Variants in TLE2 observed in about 807,000 individuals in gnomAD.
TLE2 encodes TLE family member 2, transcriptional corepressor, also known as transducin-like enhancer protein 2.
A neutral mutation model predicts 97.2 loss-of-function variants in TLE2; 74 were observed. That is an observed-to-expected ratio of 0.76 (90% confidence interval 0.63 to 0.92). The LOEUF (loss-of-function observed/expected upper bound fraction) is 0.92. TLE2 is among the 40% of genes least tolerant of loss of function. The pLI is 0.00. For synonymous variants in TLE2, 499 were observed against 432.1 expected (o/e 1.15, Z -1.92); for missense variants, 1,038 against 1,008.7 (o/e 1.03, Z -0.39).
At chr19:3,022,808 C>G (rs1228417431) in intron 5 of TLE2, among the ~76,000 whole-genome samples, 1 of 151,986 alleles carries the variant, frequency 6.6e-6, no homozygotes, top group Admixed American at 6.6e-5. Context: ...GGAAGACTTT[C>G]TAGAAAGGGC....
At chr19:3,011,185 G>A in intron 11 of TLE2, 25 bp from the exon 12 acceptor site, 1 of 1,548,372 alleles carries the variant, frequency 6.5e-7, no homozygotes, top group Non-Finnish European at 8.7e-7. Context: ...CAGGACTGAA[G>A]GCCACCAGGC....
Position 3,009,634 on chromosome 19 carries a change from G to T in TLE2, c.1081C>A (p.Leu361Ile). The T allele has an allele frequency of 6.2e-7, 1 of 1,613,334 alleles. No homozygotes were observed. Among genetic ancestry groups the T allele is most frequent in the Non-Finnish European group, 8.5e-7 (1 of 1,179,666 alleles). The part of the protein sequence containing the change: ...TSFSLGSHST[L>I]NGDLSVPSSY... ...CTGGGCACGGAGAGGTCTCCGTTGA[G>T]AGTGCTGTGGGAGCCCAGGCTGAAG... The change falls in exon 13 of 20, where the codon CTC (leucine) becomes ATC (isoleucine). Residue 361 changes from leucine to isoleucine, a missense_variant. Coordinates refer to ENST00000262953, the MANE Select transcript of TLE2 (RefSeq NM_003260.5).
chr19:3,008,171 C>A (rs999549831), intron 14 of TLE2, among the ~76,000 whole-genome samples: 1 of 152,240 alleles, frequency 6.6e-6, no homozygotes, highest in South Asian at 2.1e-4. Context: ...CAGCTGGTGG[C>A]GACTGGGTTG....
chr19:3,021,116 G>A lies in TLE2; in HGVS notation c.295-1343C>T, dbSNP rs933312241. Reference sequence around the variant, plus strand: ...AAAAAAAAAAAAAAAAAAAAAAAAGGGGGGGGGGTGCTGAGCGTGGTGACT... The same window carrying A: ...AAAAAAAAAAAAAAAAAAAAAAAAGAGGGGGGGGTGCTGAGCGTGGTGACT... On this transcript the variant is annotated intron_variant, in intron 5 of 19. Coordinates refer to ENST00000262953, the MANE Select transcript of TLE2 (RefSeq NM_003260.5). Among the ~76,000 whole-genome samples, 130 of 64,476 alleles carry A rather than the reference G, an allele frequency of 2.0e-3. 7 individuals are homozygous for A. The highest frequency in any genetic ancestry group is 3.3e-3 in the Non-Finnish European group (104 of 31,198). The allele number at this position is 64,476 out of a possible 152,430, so 42.3% of individuals were successfully genotyped here. A position where few individuals can be genotyped will look rare whatever the true frequency, so the allele number is the denominator to read the frequency against.
chr19:3,019,699 C>T lies in TLE2; in HGVS notation c.369G>A (p.Gly123=), dbSNP rs199890383. 5 of 1,608,570 alleles carry T rather than the reference C, an allele frequency of 3.1e-6. No individual in the cohort carries two copies. The African/African-American group carries it at 4.0e-5, about 13-fold the overall frequency. ...CGGGGCAGGGGCTAGAGAGACTCAC[C>T]CCGATGAGGCTGTTCAGCTCCCCCA... is the stretch of plus-strand genomic sequence containing the variant. ...VTVGELNSLI[G]QQLQPLSHHA... Residue 123 remains glycine, a splice_region_variant and synonymous_variant, in exon 6 of 20, where the codon GGG becomes GGA. Transcript: ENST00000262953. This position sits in a 1 kb window ranked among gnomAD's most constrained non-coding sequence, Gnocchi z 5.1.
chr19:3,017,440 T>TC (rs1030012205), intron 8 of TLE2, among the ~76,000 whole-genome samples: 1 of 138,774 alleles, frequency 7.2e-6, no homozygotes, highest in Non-Finnish European at 1.5e-5. Flanking sequence ...TGGTTTTTTT[T>TC]TTTCTTTCTT....
upstream of TLE2, among the ~76,000 whole-genome samples, chr19:3,046,944 T>TCCCCCTCCC (rs1327603176): frequency 2.2e-4 from 11 of 49,946 alleles, no homozygotes; most frequent in Non-Finnish European, 7.9e-5. Flanking sequence ...CTCCCCCTCC[T>TCCCCCTCCC]CCTCCCTTCC....
At position 3,029,096 on chromosome 19, in the gene TLE2, C is replaced by T. The variant is rs2089995522; in HGVS notation, c.-192G>A. ...GCGCGCGCGCCCGGGGTCGTGGGAGCCCCTCCCCGGGTTGGGGTGCGCGGG... is the reference window on the plus strand; with the variant it reads ...GCGCGCGCGCCCGGGGTCGTGGGAGTCCCTCCCCGGGTTGGGGTGCGCGGG... On this transcript the variant is annotated 5_prime_UTR_variant, in exon 1 of 20. Transcript: ENST00000262953. The T allele has an allele frequency of 1.6e-6, 2 of 1,247,822 alleles. No individual in the cohort carries two copies. Among genetic ancestry groups the T allele is most frequent in the Non-Finnish European group, 1.0e-6 (1 of 993,380 alleles). The allele number at this position is 1,247,822 out of a possible 1,614,324, so 77.3% of individuals were successfully genotyped here.
At chr19:3,030,287 A>G (rs962510191), upstream of TLE2, among the ~76,000 whole-genome samples, 1 of 152,214 alleles carries the variant, frequency 6.6e-6, no homozygotes, top group African/African-American at 2.4e-5. Flanking sequence ...CAGCTCTGCC[A>G]TCAGACTCAA....
Position 3,005,843 on chromosome 19 carries a change from C to T in TLE2, c.1626G>A (p.Glu542=), listed in dbSNP as rs1196357317. The T allele has an allele frequency of 1.9e-6, 3 of 1,613,992 alleles. No individual in the cohort carries two copies. The African/African-American group carries it at 4.0e-5, about 22-fold the overall frequency. ...AGCAGGCTGGGGCTGAGGAAGTCAG[C>T]TCGGCCTTGATACGGGGGGTGGGCG... ...LAAPTPRIKA[E]LTSSAPACYA... Residue 542 remains glutamate, a synonymous_variant, in exon 16 of 20, where the codon GAG becomes GAA. Transcript: ENST00000262953.
In TLE2 at chr19:3,014,605, C is replaced by T. The variant is rs1018382206; in HGVS notation, c.688G>A (p.Glu230Lys). 12 of 1,588,952 alleles carry T rather than the reference C, an allele frequency of 7.6e-6. No individual in the cohort carries two copies. Among genetic ancestry groups the T allele is most frequent in the African/African-American group, 2.7e-5 (2 of 73,764 alleles). Residue 230 changes from glutamate to lysine, a missense_variant, in exon 10 of 20, where the codon GAA (glutamate) becomes AAA (lysine). By Grantham distance (56) the Glu-to-Lys change is moderately conservative (BLOSUM62 1). Coordinates refer to ENST00000262953, the MANE Select transcript of TLE2 (RefSeq NM_003260.5). Reference sequence around the variant, plus strand: ...ACCAGATTGTAATCACTCTTGTCTTCGTCGCTTTCCTGGGGGAAGATGGGG... The same window carrying T: ...ACCAGATTGTAATCACTCTTGTCTTTGTCGCTTTCCTGGGGGAAGATGGGG... ...KEPSGPYESDEDKSDYNLVVD... is the reference protein window; with the variant it reads ...KEPSGPYESDKDKSDYNLVVD...
At chr19:3,009,475 T>C in intron 13 of TLE2, 67 bp downstream of exon 13, 1 of 1,492,228 alleles carries the variant, frequency 6.7e-7, no homozygotes, top group Non-Finnish European at 8.9e-7. Flanking sequence ...GTGTAGTTGG[T>C]TTCTCCTCCC....
chr19:3,046,310 A>G (rs1381778093), upstream of TLE2, among the ~76,000 whole-genome samples: 1 of 152,222 alleles, frequency 6.6e-6, no homozygotes, highest in African/African-American at 2.4e-5. Flanking sequence ...AGAGGGACGG[A>G]GAAGGCTCAG....
chr19:3,010,131 A>G (rs1181847047), intron 12 of TLE2, among the ~76,000 whole-genome samples: 2 of 151,376 alleles, frequency 1.3e-5, no homozygotes, highest in Non-Finnish European at 2.9e-5. Flanking sequence ...TGGGAGGCCG[A>G]GGTGGGCGGA....
chr19:3,005,834 G>C lies in TLE2; in HGVS notation c.1635C>G (p.Ser545=). ...PTPRIKAELT[S]SAPACYALAV... ...CCAGGGCGTAGCAGGCTGGGGCTGA[G>C]GAAGTCAGCTCGGCCTTGATACGGG... is the stretch of plus-strand genomic sequence containing the variant. The change falls in exon 16 of 20, where the codon TCC becomes TCG. Residue 545 remains serine (S), a synonymous_variant. Transcript: ENST00000262953. The C allele has an allele frequency of 6.2e-7, 1 of 1,613,998 alleles. No homozygotes were observed. The highest frequency in any genetic ancestry group is 1.1e-5 in the South Asian group (1 of 91,080).
chr19:3,043,207 C>G (rs190184988), intron 1 of TLE2, among the ~76,000 whole-genome samples: 5 of 151,882 alleles, frequency 3.3e-5, no homozygotes, highest in Admixed American at 6.6e-5. Flanking sequence ...CGGCTCCCTG[C>G]GAGGCTCAAG....
rs561689092 is a variant in TLE2, at chr19:3,014,328, G to A, written c.723+242C>T. Among the ~76,000 whole-genome samples the A allele has an allele frequency of 4.6e-5, 7 of 152,306 alleles. No individual in the cohort carries two copies. The East Asian group carries it at 1.2e-3, about 25-fold the overall frequency. On this transcript the variant is annotated intron_variant, in intron 10 of 19. Transcript: ENST00000262953. ...GAACAGATGGGGAAAAGTGAGGCCA[G>A]GGAAGGGGGTGTCACTGCCCACAAA...
In TLE2 at chr19:3,007,646, C is replaced by T. The variant is rs80177243; in HGVS notation, c.1251-977G>A. Among the ~76,000 whole-genome samples, 43 of 152,238 alleles carry T rather than the reference C, an allele frequency of 2.8e-4. 1 individual carries two copies. The East Asian group carries it at 8.1e-3, about 29-fold the overall frequency. On this transcript the variant is annotated intron_variant, in intron 14 of 19. Coordinates refer to ENST00000262953, the MANE Select transcript of TLE2 (RefSeq NM_003260.5). ...ACAGGGAGTCTAGGTTGTGGTGTGG[C>T]GCATGGTAAACAAGCACTTAATAAA...
intron 17 of TLE2, among the ~76,000 whole-genome samples, 161 bp downstream of exon 17, chr19:3,005,275 AG>A (rs112579334): frequency 1.4e-4 from 22 of 152,236 alleles, no homozygotes; most frequent in African/African-American, 5.3e-4. Flanking sequence ...AGAGAGTTAC[AG>A]GGGAAGCCTG....
Sources: gnomAD v4.1 joint callset for allele counts (sites outside exome capture counted in the v4.1 genomes callset) on GRCh38, gnomAD v4.1.1 for gene constraint, Gnocchi (gnomAD v3.1) non-coding constraint, MANE v1.5 for transcripts, NCBI Gene and HGNC (gene_info 2026-07-23, HGNC 2026-07-21) for gene names.